Variants in GLMN observed in about 807,000 individuals in gnomAD.
GLMN encodes the protein glomulin, FKBP associated protein, also known as glomulin.
In GLMN, 75 loss-of-function variants were observed where a neutral mutation model predicts 87.8. The observed-to-expected ratio is 0.85, with a 90% CI of 0.71 to 1.04. GLMN has a LOEUF of 1.04. Ranked by LOEUF, GLMN falls within the 50% of genes least tolerant of loss-of-function variation. GLMN has a pLI of 0.00. For missense variants in GLMN, 588 were observed against 658.8 expected, an observed-to-expected ratio of 0.89 and a Z score of 1.18; for synonymous variants, 206 against 221.6, an observed-to-expected ratio of 0.93 and a Z score of 0.63.
chr1:92,335,653 A>C, the GLMN span, among the ~76,000 whole-genome samples: 3 of 152,282 alleles, frequency 2.0e-5, no homozygotes, highest in South Asian at 2.1e-4. Flanking sequence ...AAATAGGATA[A>C]TACTATGTAC....
chr1:92,299,225 G>A (rs1025612900), upstream of GLMN: 17 of 904,394 alleles, frequency 1.9e-5, no homozygotes, highest in African/African-American at 3.0e-4. Context: ...CAGCGCGCGG[G>A]CGCTCCTGAA....
chr1:92,305,882 TTGTC>T, the GLMN span, among the ~76,000 whole-genome samples: 3 of 152,174 alleles, frequency 2.0e-5, no homozygotes, highest in African/African-American at 7.2e-5. Context: ...GGCTTGGCAT[TTGTC>T]TGGTGAAGTC....
At chr1:92,350,654 T>A in the GLMN span, among the ~76,000 whole-genome samples, 2 of 152,236 alleles carry the variant, frequency 1.3e-5, no homozygotes, top group African/African-American at 4.8e-5. Flanking sequence ...GATTGTCTTC[T>A]ATAGGCCAGG....
chr1:92,323,780 C>T, the GLMN span: 2 of 1,614,062 alleles, frequency 1.2e-6, no homozygotes, highest in Non-Finnish European at 1.7e-6. Flanking sequence ...AAAGATGCTA[C>T]ATGTGAACTT....
chr1:92,305,261 T>G, the GLMN span, among the ~76,000 whole-genome samples: 2 of 151,460 alleles, frequency 1.3e-5, no homozygotes, highest in Non-Finnish European at 2.9e-5. Flanking sequence ...TGAAATCCCA[T>G]CTCTACTAAA....
At chr1:92,316,367 A>G in the GLMN span, among the ~76,000 whole-genome samples, 1 of 152,188 alleles carries the variant, frequency 6.6e-6, no homozygotes, top group Non-Finnish European at 1.5e-5. Context: ...AGGGTTTGAC[A>G]TGTCTCAAAA....
At chr1:92,320,514 G>T in the GLMN span, 1 of 1,049,002 alleles carries the variant, frequency 9.5e-7, no homozygotes, top group East Asian at 2.4e-5. Context: ...CTCGAGATCC[G>T]CCTGCCCAGC....
At chr1:92,338,466 A>C in the GLMN span, among the ~76,000 whole-genome samples, 59 of 152,288 alleles carry the variant, frequency 3.9e-4, no homozygotes, top group Non-Finnish European at 6.6e-4. Context: ...ATGCATCCAA[A>C]AGGAGATAAA....
At chr1:92,256,308 G>A (rs1270651613) in intron 16 of GLMN, among the ~76,000 whole-genome samples, 5 of 151,804 alleles carry the variant, frequency 3.3e-5, no homozygotes, top group African/African-American at 9.7e-5. Context: ...ATTCACAGCC[G>A]CATTCTACCA....
At chr1:92,252,748 T>C (rs1398551029) in intron 16 of GLMN, among the ~76,000 whole-genome samples, 6 of 151,986 alleles carry the variant, frequency 3.9e-5, no homozygotes, top group Non-Finnish European at 5.9e-5. Flanking sequence ...ATTTTAAGAT[T>C]TCTTAAAATC....
At chr1:92,351,165 G>C in the GLMN span, among the ~76,000 whole-genome samples, 3 of 151,552 alleles carry the variant, frequency 2.0e-5, no homozygotes, top group East Asian at 5.9e-4. Flanking sequence ...AAATTAGCTG[G>C]GTGTGGTGGC....
At chr1:92,324,416 T>C in the GLMN span, 1 of 1,433,260 alleles carries the variant, frequency 7.0e-7, no homozygotes, top group Non-Finnish European at 9.6e-7. Flanking sequence ...ATCGTTAACA[T>C]TTGGAAAACT....
At chr1:92,361,403 A>G in the GLMN span, among the ~76,000 whole-genome samples, 2 of 152,208 alleles carry the variant, frequency 1.3e-5, no homozygotes, top group South Asian at 4.1e-4. Context: ...ATACATCAAA[A>G]GAATGAATGG....
chr1:92,325,663 G>A, the GLMN span, among the ~76,000 whole-genome samples: 1 of 152,060 alleles, frequency 6.6e-6, no homozygotes, highest in Admixed American at 6.6e-5. Context: ...TGAATGTCCT[G>A]ATGTAATCAC....
rs553799640 is a variant in GLMN at position 92,247,156 on chromosome 1, G to T, written c.1586-12C>A. On this transcript the variant is annotated splice_polypyrimidine_tract_variant and intron_variant, in intron 17 of 18. Coordinates refer to ENST00000370360, the MANE Select transcript of GLMN (RefSeq NM_053274.3). ...AGATTTCTGGGCCTCTGTAAGAGAAGAAAAATCATGTGTGACACTTAACTC... is the reference window on the plus strand; with the variant it reads ...AGATTTCTGGGCCTCTGTAAGAGAATAAAAATCATGTGTGACACTTAACTC... The T allele has an allele frequency of 4.6e-6, 6 of 1,304,416 alleles. No individual in the cohort carries two copies. The East Asian group carries it at 1.1e-4, about 25-fold the overall frequency. The allele number at this position is 1,304,416 out of a possible 1,614,324, so 80.8% of individuals were successfully genotyped here. A position where few individuals can be genotyped will look rare whatever the true frequency, so the allele number is the denominator to read the frequency against.
intron 16 of GLMN, among the ~76,000 whole-genome samples, chr1:92,259,810 C>T (rs1165315679): frequency 1.4e-5 from 2 of 144,172 alleles, no homozygotes; most frequent in African/African-American, 5.1e-5. Context: ...TCTCGGCTCA[C>T]TGCAAGCTCC....
chr1:92,291,558 T>A, intron 3 of GLMN, 21 bp from the exon 4 acceptor site: 1 of 1,612,258 alleles, frequency 6.2e-7, no homozygotes, highest in Non-Finnish European at 8.5e-7. Context: ...ATTTTCAGAG[T>A]AAAGCAAACA....
chr1:92,258,245 A>T (rs1041617303), intron 16 of GLMN, among the ~76,000 whole-genome samples: 2 of 113,886 alleles, frequency 1.8e-5, no homozygotes, highest in Non-Finnish European at 1.8e-5. Context: ...TTAAAAAGTC[A>T]GGAAACAACA....
chr1:92,326,950 C>A, the GLMN span, among the ~76,000 whole-genome samples: 2 of 152,234 alleles, frequency 1.3e-5, no homozygotes, highest in Non-Finnish European at 2.9e-5. Context: ...TTCACACCCT[C>A]CCTTGAGTTC....
Sources: gnomAD v4.1 joint callset for allele counts (sites outside exome capture counted in the v4.1 genomes callset) on GRCh38, gnomAD v4.1.1 for gene constraint, MANE v1.5 for transcripts, NCBI Gene and HGNC (gene_info 2026-07-23, HGNC 2026-07-21) for gene names.